The following ERBB4 variants were observed in gnomAD, a reference collection of about 807,000 sequenced individuals.
ERBB4 encodes receptor tyrosine-protein kinase erbB-4.
ERBB4 carries 42 observed loss-of-function variants against 158.0 expected under a neutral mutation model. The ratio of observed to expected loss-of-function variants is 0.27; its 90% confidence interval spans 0.21 to 0.34. The LOEUF is 0.34. Ranked by LOEUF, ERBB4 falls within the 10% of genes least tolerant of loss-of-function variation. The probability of loss-of-function intolerance (pLI) is 1.00; values close to 1 mark genes in which losing one functional copy is unlikely to be tolerated. For synonymous variants in ERBB4, 583 were observed against 558.7 expected (o/e 1.04, Z -0.61); for missense variants, 1,333 against 1,624.1 (o/e 0.82, Z 3.08).
At chr2:212,178,997 T>C (rs910782164) in intron 1 of ERBB4, among the ~76,000 whole-genome samples, 1 of 151,648 alleles carries the variant, frequency 6.6e-6, no homozygotes, top group African/African-American at 2.4e-5. Flanking sequence ...CACAATCAAA[T>C]ATACAATTAA....
At chr2:211,896,291 T>C (rs1220986161) in intron 3 of ERBB4, among the ~76,000 whole-genome samples, 1 of 152,202 alleles carries the variant, frequency 6.6e-6, no homozygotes, top group Non-Finnish European at 1.5e-5. Context: ...TAATCTTTTC[T>C]ATTTGGTTAT....
At chr2:212,088,557 C>T (rs1439936230) in intron 2 of ERBB4, among the ~76,000 whole-genome samples, 1 of 152,118 alleles carries the variant, frequency 6.6e-6, no homozygotes, top group Non-Finnish European at 1.5e-5. Context: ...ATGAAATTCA[C>T]ACCCTGGTTG....
chr2:211,696,814 C>A (rs1161170024), intron 12 of ERBB4, among the ~76,000 whole-genome samples: 2 of 152,074 alleles, frequency 1.3e-5, no homozygotes, highest in Non-Finnish European at 2.9e-5. Context: ...GGACTACAGG[C>A]ACCTGCCACC....
intron 1 of ERBB4, among the ~76,000 whole-genome samples, chr2:212,260,869 G>A (rs1039806114): frequency 2.0e-4 from 31 of 152,022 alleles, no homozygotes; most frequent in African/African-American, 6.5e-4. Context: ...GTTTTAAATG[G>A]TTATTTGAAG....
chr2:212,159,954 G>A (rs1380609251), intron 1 of ERBB4, among the ~76,000 whole-genome samples: 1 of 151,860 alleles, frequency 6.6e-6, no homozygotes, highest in African/African-American at 2.4e-5. Flanking sequence ...TATTTTTAGG[G>A]TTAGTCTAAG....
intron 2 of ERBB4, among the ~76,000 whole-genome samples, chr2:212,120,094 A>G (rs12469791): frequency 0.52 from 78,732 of 151,910 alleles, 21,347 homozygotes; most frequent in Non-Finnish European, 0.59. Context: ...GAAGTAGTGT[A>G]GGAAACAGAA....
intron 2 of ERBB4, among the ~76,000 whole-genome samples, chr2:212,041,926 G>C (rs1477950360): frequency 6.6e-6 from 1 of 151,954 alleles, no homozygotes; most frequent in Non-Finnish European, 1.5e-5. Flanking sequence ...CTATTACATT[G>C]TCATGATGAA....
chr2:212,222,016 A>G (rs1456386925), intron 1 of ERBB4, among the ~76,000 whole-genome samples: 1 of 151,608 alleles, frequency 6.6e-6, no homozygotes, highest in East Asian at 1.9e-4. Context: ...TATGTCCCTC[A>G]TAAATACTTG....
chr2:212,330,874 G>A (rs1024081909), intron 1 of ERBB4, among the ~76,000 whole-genome samples: 1 of 151,092 alleles, frequency 6.6e-6, no homozygotes, highest in African/African-American at 2.4e-5. Flanking sequence ...TACCACAAGT[G>A]CGATTACCCT....
At chr2:211,670,409 C>A (rs2071795248) in intron 14 of ERBB4, among the ~76,000 whole-genome samples, 2 of 152,226 alleles carry the variant, frequency 1.3e-5, no homozygotes, top group South Asian at 4.1e-4. Flanking sequence ...TTTTAAAAAT[C>A]AACTTTTGGA....
intron 17 of ERBB4, among the ~76,000 whole-genome samples, chr2:211,629,306 A>G (rs2070001699): frequency 6.6e-6 from 1 of 152,148 alleles, no homozygotes; most frequent in African/African-American, 2.4e-5. Context: ...ATTGCTTCAA[A>G]GAGAATAAAA....
At chr2:211,679,960 G>A (rs6722300) in intron 12 of ERBB4, among the ~76,000 whole-genome samples, 42,593 of 152,066 alleles carry the variant, frequency 0.28, 7,551 homozygotes, top group East Asian at 0.9. Context: ...GATTACAGTC[G>A]TGAGGCACTG....
intron 1 of ERBB4, among the ~76,000 whole-genome samples, chr2:212,144,461 T>C (rs1189348485): frequency 1.3e-5 from 2 of 152,210 alleles, no homozygotes; most frequent in East Asian, 3.8e-4. Context: ...TTTTCCTATA[T>C]TTTTAATTCA....
At chr2:212,424,075 C>T (rs756452601) in intron 1 of ERBB4, among the ~76,000 whole-genome samples, 2 of 151,864 alleles carry the variant, frequency 1.3e-5, no homozygotes, top group Non-Finnish European at 2.9e-5. Context: ...TAAGCTATTT[C>T]TTATTAGATG....
chr2:212,344,839 A>G (rs2088904412), intron 1 of ERBB4, among the ~76,000 whole-genome samples: 1 of 152,192 alleles, frequency 6.6e-6, no homozygotes, highest in Non-Finnish European at 1.5e-5. Context: ...TTTGGCAATT[A>G]CCAGTTGTCA....
At chr2:212,404,494 CT>C (rs1421361268) in intron 1 of ERBB4, among the ~76,000 whole-genome samples, 1 of 151,948 alleles carries the variant, frequency 6.6e-6, no homozygotes, top group Admixed American at 6.6e-5. Context: ...AACCTCTGTC[CT>C]TATGACACTG....
chr2:212,101,653 A>G (rs2079087273), intron 2 of ERBB4, among the ~76,000 whole-genome samples: 1 of 152,068 alleles, frequency 6.6e-6, no homozygotes, highest in Non-Finnish European at 1.5e-5. Flanking sequence ...ATATATAACA[A>G]GTAAAGGTCA....
rs1575055517 is a variant in ERBB4, at chr2:211,725,203, G to T, written c.623-9C>A. 1 of 1,595,810 alleles carries T rather than the reference G, an allele frequency of 6.3e-7. No homozygotes were observed. The highest frequency in any genetic ancestry group is 1.3e-5 in the African/African-American group (1 of 74,634). ...ACACACCGTCCTTGTCACTGCAGAAGACAGAGATAGGACCATGATCAAAGT... is the reference window on the plus strand; with the variant it reads ...ACACACCGTCCTTGTCACTGCAGAATACAGAGATAGGACCATGATCAAAGT... On this transcript the variant is annotated splice_polypyrimidine_tract_variant and intron_variant, in intron 5 of 27. Transcript: ENST00000342788.
chr2:212,159,882 C>G (rs1181445734), intron 1 of ERBB4, among the ~76,000 whole-genome samples: 1 of 151,938 alleles, frequency 6.6e-6, no homozygotes, highest in Non-Finnish European at 1.5e-5. Context: ...ATATACTTTT[C>G]TTAATTACTC....
Sources: allele counts gnomAD v4.1 joint callset (sites outside exome capture counted in the v4.1 genomes callset), GRCh38; gene constraint gnomAD v4.1.1; transcripts MANE v1.5; gene names NCBI Gene and HGNC (gene_info 2026-07-23, HGNC 2026-07-21).